The following DYNC1LI2 variants were observed in gnomAD, a reference collection of about 807,000 sequenced individuals.
DYNC1LI2 encodes the protein cytoplasmic dynein 1 light intermediate chain 2.
A neutral mutation model predicts 57.8 loss-of-function variants in DYNC1LI2; 19 were observed. The observed-to-expected ratio is 0.33, with a 90% CI of 0.23 to 0.48. DYNC1LI2 has a LOEUF of 0.48. Ranked by LOEUF, DYNC1LI2 falls within the 20% of genes least tolerant of loss-of-function variation. The probability of loss-of-function intolerance (pLI) is 0.99; values close to 1 mark genes in which losing one functional copy is unlikely to be tolerated. For missense variants in DYNC1LI2, 470 were observed against 604.2 expected, an observed-to-expected ratio of 0.78 and a Z score of 2.33; for synonymous variants, 256 against 233.4, an observed-to-expected ratio of 1.10 and a Z score of -0.88.
At position 66,730,191 on chromosome 16, in the gene DYNC1LI2, G is replaced by A; in HGVS notation, c.962C>T (p.Ala321Val). The A allele has an allele frequency of 1.2e-6, 2 of 1,613,922 alleles. No homozygotes were observed. The highest frequency in any genetic ancestry group is 1.7e-6 in the Non-Finnish European group (2 of 1,179,968). Reference protein sequence around the residue: ...PAGWDNEKKIAILHENFTTVK... With the variant: ...PAGWDNEKKIVILHENFTTVK... ...GGTTGTAAAATTTTCATGTAAAATA[G>A]CTATTTTCTTTTCATTGTCCCAGCC... Residue 321 changes from alanine to valine, a missense_variant, in exon 8 of 13, where the codon GCT becomes GTT. Ala to Val is a moderately conservative substitution (Grantham distance 64, BLOSUM62 0). Transcript: ENST00000258198.
chr16:66,726,006 C>T, intron 11 of DYNC1LI2, 62 bp from the exon 12 acceptor site: 2 of 1,551,034 alleles, frequency 1.3e-6, no homozygotes, highest in Non-Finnish European at 1.7e-6. Context: ...AATTAAACAC[C>T]CTAGTTCTCA....
intron 2 of DYNC1LI2, 123 bp from the exon 3 acceptor site, chr16:66,749,436 C>T: frequency 1.0e-6 from 1 of 962,966 alleles, no homozygotes; most frequent in Admixed American, 1.9e-5. Flanking sequence ...TGAAGTCTCA[C>T]CTGCTTTCAT....
rs543405690 is a variant in DYNC1LI2, at chr16:66,726,755, C to T, written c.1262-811G>A. Among the ~76,000 whole-genome samples the T allele has an allele frequency of 2.0e-5, 3 of 152,274 alleles. No homozygotes were observed. In the East Asian group the frequency reaches 5.8e-4, roughly 29 times the overall value. ...CTCCCAGGATTAAGCCGTTCTCCTG[C>T]CTCTGCCTCCCGAGTAGCTGGGATT... On this transcript the variant is annotated intron_variant, in intron 11 of 12. Transcript: ENST00000258198.
chr16:66,743,698 G>C (rs1446686795), intron 3 of DYNC1LI2, among the ~76,000 whole-genome samples: 1 of 152,154 alleles, frequency 6.6e-6, no homozygotes, highest in East Asian at 1.9e-4. Context: ...GTGAAGCAGT[G>C]AGCTGTGCTG....
Position 66,750,658 on chromosome 16 carries a change from T to C in DYNC1LI2, c.181+615A>G, listed in dbSNP as rs75129866. Among the ~76,000 whole-genome samples the C allele has an allele frequency of 7.7e-3, 1,175 of 152,294 alleles. 68 individuals carry two copies. In the East Asian group the frequency reaches 0.15, roughly 20 times the overall value. The stretch of plus-strand genomic sequence containing the variant: ...TCTTCTATAGTGTTTAAGAGTCGCC[T>C]ATGCTGAGCCTGTGCCCAGCCCACA... On this transcript the variant is annotated intron_variant, in intron 2 of 12. Coordinates refer to ENST00000258198, the MANE Select transcript of DYNC1LI2 (RefSeq NM_006141.3).
chr16:66,721,607 A>G lies in DYNC1LI2; in HGVS notation c.*2115T>C, dbSNP rs531090123. On this transcript the variant is annotated 3_prime_UTR_variant, in exon 13 of 13. Transcript: ENST00000258198. ...CTTTGGCAACCACTGAGCACATGAC[A>G]CTATGTATCAGCTTCTTCTGATACT... The G allele has an allele frequency of 2.0e-5, 3 of 152,678 alleles. No individual in the cohort carries two copies. In the East Asian group the frequency reaches 5.8e-4, roughly 29 times the overall value. The allele number at this position is 152,678 out of a possible 1,614,324, so 9.5% of individuals were successfully genotyped here. A position where few individuals can be genotyped will look rare whatever the true frequency, so the allele number is the denominator to read the frequency against.
intron 3 of DYNC1LI2, among the ~76,000 whole-genome samples, chr16:66,748,684 C>A (rs989071795): frequency 2.0e-5 from 3 of 152,180 alleles, no homozygotes; most frequent in African/African-American, 7.2e-5. Flanking sequence ...CCACCTCAGC[C>A]TCCTGAGTAG....
At chr16:66,746,063 A>G (rs1047083116) in intron 3 of DYNC1LI2, among the ~76,000 whole-genome samples, 1 of 152,230 alleles carries the variant, frequency 6.6e-6, no homozygotes, top group African/African-American at 2.4e-5. Flanking sequence ...TCAACAGTAT[A>G]AAGTATCTAA....
At chr16:66,748,982 C>G (rs563455028) in intron 3 of DYNC1LI2, among the ~76,000 whole-genome samples, 1 of 152,300 alleles carries the variant, frequency 6.6e-6, no homozygotes, top group African/African-American at 2.4e-5. Flanking sequence ...CTAGCCAGAG[C>G]AACAGCTAAG....
intron 4 of DYNC1LI2, among the ~76,000 whole-genome samples, chr16:66,741,897 CAAAAAAAAAAA>C (rs66527903): frequency 1.9e-5 from 2 of 106,812 alleles, no homozygotes; most frequent in African/African-American, 3.6e-5. Flanking sequence ...ATGTTAATTA[CAAAAAAAAAAA>C]AAAAAAAAAA....
intron 3 of DYNC1LI2, among the ~76,000 whole-genome samples, chr16:66,745,935 A>G (rs976981768): frequency 6.6e-6 from 1 of 152,010 alleles, no homozygotes; most frequent in Non-Finnish European, 1.5e-5. Context: ...CAAAACAAAC[A>G]AAAAAACCCA....
At position 66,728,120 on chromosome 16, in the gene DYNC1LI2, C is replaced by A. The variant is rs1019257586; in HGVS notation, c.1143+81G>T. The A allele has an allele frequency of 2.1e-5, 33 of 1,564,500 alleles. 1 individual carries two copies. In the South Asian group the frequency reaches 2.4e-4, roughly 11 times the overall value. The stretch of plus-strand genomic sequence containing the variant: ...AAAATACAAAACCCACACAAATATA[C>A]GCTCTCACAAATAATGGTATAAAGT... On this transcript the variant is annotated intron_variant, in intron 10 of 12. Transcript: ENST00000258198.
chr16:66,728,315 C>T, intron 9 of DYNC1LI2, 73 bp from the exon 10 acceptor site: 1 of 1,537,538 alleles, frequency 6.5e-7, no homozygotes, highest in Non-Finnish European at 9.0e-7. Flanking sequence ...GAAAAACTTA[C>T]TCCAAGTACT....
chr16:66,725,368 C>G (rs2017519909), intron 12 of DYNC1LI2, among the ~76,000 whole-genome samples: 1 of 151,968 alleles, frequency 6.6e-6, no homozygotes, highest in Non-Finnish European at 1.5e-5. Flanking sequence ...GTAATCCCAG[C>G]TACTCGGGAG....
intron 4 of DYNC1LI2, among the ~76,000 whole-genome samples, chr16:66,741,899 A>C (rs1289905449): frequency 6.9e-3 from 36 of 5,180 alleles, no homozygotes; most frequent in Non-Finnish European, 0.017. Flanking sequence ...GTTAATTACA[A>C]AAAAAAAAAA....
chr16:66,748,089 C>T (rs2017970410), intron 3 of DYNC1LI2, among the ~76,000 whole-genome samples: 1 of 151,700 alleles, frequency 6.6e-6, no homozygotes, highest in African/African-American at 2.4e-5. Flanking sequence ...GAGTTCGAGA[C>T]CAACCTGAGC....
chr16:66,727,575 T>C (rs999436908), intron 11 of DYNC1LI2, 113 bp downstream of exon 11: 5 of 954,862 alleles, frequency 5.2e-6, no homozygotes, highest in Non-Finnish European at 7.8e-6. Context: ...GGGAAGAGAA[T>C]AGCCTGGCTT....
chr16:66,743,198 A>AT (rs1409693241), intron 3 of DYNC1LI2, among the ~76,000 whole-genome samples: 14 of 108,122 alleles, frequency 1.3e-4, no homozygotes, highest in African/African-American at 4.7e-4. Context: ...AACAAAACAA[A>AT]CAAAAAAAAC....
intron 3 of DYNC1LI2, among the ~76,000 whole-genome samples, chr16:66,745,813 A>G (rs2017925457): frequency 6.6e-6 from 1 of 151,878 alleles, no homozygotes; most frequent in Non-Finnish European, 1.5e-5. Flanking sequence ...CTGAGGAGGG[A>G]GGACTGCTCG....
Sources: gnomAD v4.1 joint callset for allele counts (sites outside exome capture counted in the v4.1 genomes callset) on GRCh38, gnomAD v4.1.1 for gene constraint, MANE v1.5 for transcripts, NCBI Gene and HGNC (gene_info 2026-07-23, HGNC 2026-07-21) for gene names.